The following LRRC4C variants were observed in gnomAD, a reference collection of about 807,000 sequenced individuals.
The protein encoded by LRRC4C is leucine rich repeat containing 4C, also known as leucine-rich repeat-containing protein 4C.
Under a neutral mutation model 33.6 loss-of-function variants are expected in LRRC4C, and 5 were observed. That is an observed-to-expected ratio of 0.15 (90% confidence interval 0.08 to 0.31). The LOEUF is 0.31. Among genes scored for constraint, LRRC4C ranks in the 10% least tolerant of loss-of-function variants. The pLI is 1.00. For missense variants in LRRC4C, 560 were observed against 796.7 expected, an observed-to-expected ratio of 0.70 and a Z score of 3.58; for synonymous variants, 329 against 302.0, an observed-to-expected ratio of 1.09 and a Z score of -0.93.
At chr11:40,360,312 G>T (rs779080077) in intron 3 of LRRC4C, among the ~76,000 whole-genome samples, 31 of 152,092 alleles carry the variant, frequency 2.0e-4, no homozygotes, top group Non-Finnish European at 3.5e-4. Flanking sequence ...TATCAGAGAG[G>T]GGCAAGTAGC....
chr11:41,286,582 A>G (rs1453615205), intron 1 of LRRC4C, among the ~76,000 whole-genome samples: 1 of 151,994 alleles, frequency 6.6e-6, no homozygotes, highest in African/African-American at 2.4e-5. Context: ...ATATAATTTT[A>G]AGACAAGATC....
At chr11:41,348,078 G>A (rs529971421) in intron 1 of LRRC4C, among the ~76,000 whole-genome samples, 2 of 152,246 alleles carry the variant, frequency 1.3e-5, no homozygotes, top group East Asian at 1.9e-4. Flanking sequence ...ATGACAGAAC[G>A]AAAACTGTAA....
chr11:41,187,087 T>C (rs1945725937), intron 1 of LRRC4C, among the ~76,000 whole-genome samples: 1 of 152,108 alleles, frequency 6.6e-6, no homozygotes, highest in Admixed American at 6.5e-5. Flanking sequence ...GAAATTGTGA[T>C]AATAGCAGTG....
At chr11:40,699,550 G>A (rs987270036) in intron 2 of LRRC4C, among the ~76,000 whole-genome samples, 16 of 152,142 alleles carry the variant, frequency 1.1e-4, no homozygotes, top group Admixed American at 9.2e-4. Context: ...ATGTTGACTC[G>A]ACTTTAGATG....
At chr11:40,930,341 T>C (rs1418592037) in intron 2 of LRRC4C, among the ~76,000 whole-genome samples, 1 of 152,178 alleles carries the variant, frequency 6.6e-6, no homozygotes, top group African/African-American at 2.4e-5. Flanking sequence ...ATGGCCAAAG[T>C]GGGGACTGGA....
At chr11:40,158,393 G>A (rs1327952566) in intron 5 of LRRC4C, among the ~76,000 whole-genome samples, 2 of 152,016 alleles carry the variant, frequency 1.3e-5, no homozygotes, top group African/African-American at 4.8e-5. Flanking sequence ...AATACAACCT[G>A]TACCCCAATA....
intron 3 of LRRC4C, among the ~76,000 whole-genome samples, chr11:40,511,632 C>T (rs534454829): frequency 6.6e-6 from 1 of 152,132 alleles, no homozygotes; most frequent in South Asian, 2.1e-4. Context: ...AAGAAGGAAA[C>T]TTGAATAAGG....
At chr11:40,442,984 C>A (rs2137984794) in intron 3 of LRRC4C, among the ~76,000 whole-genome samples, 1 of 152,236 alleles carries the variant, frequency 6.6e-6, no homozygotes, top group South Asian at 2.1e-4. Context: ...ATAAGTGATT[C>A]AAAAACTCTA....
At chr11:40,561,131 C>T (rs1463721040) in intron 3 of LRRC4C, among the ~76,000 whole-genome samples, 5 of 152,074 alleles carry the variant, frequency 3.3e-5, no homozygotes, top group African/African-American at 1.2e-4. Context: ...CTTCCTTCTG[C>T]GTTCCCCGGG....
intron 3 of LRRC4C, among the ~76,000 whole-genome samples, chr11:40,357,618 C>T (rs1189976041): frequency 6.6e-6 from 1 of 151,648 alleles, no homozygotes; most frequent in Admixed American, 6.6e-5. Context: ...CATTACCCAG[C>T]AAAAAAATAG....
chr11:40,901,055 T>C (rs1354740723), intron 2 of LRRC4C, among the ~76,000 whole-genome samples: 1 of 152,090 alleles, frequency 6.6e-6, no homozygotes, highest in Non-Finnish European at 1.5e-5. Flanking sequence ...TGAACACATT[T>C]TCAATTCCTT....
chr11:40,735,052 T>A (rs547549141), intron 2 of LRRC4C, among the ~76,000 whole-genome samples: 1 of 152,332 alleles, frequency 6.6e-6, no homozygotes, highest in African/African-American at 2.4e-5. Flanking sequence ...CCAGGGTCTC[T>A]GATCTGGGGA....
At chr11:41,288,255 A>T (rs1949891193) in intron 1 of LRRC4C, among the ~76,000 whole-genome samples, 2 of 152,188 alleles carry the variant, frequency 1.3e-5, no homozygotes, top group South Asian at 4.1e-4. Flanking sequence ...CGTAATCTCC[A>T]TCCTTACCTT....
chr11:41,287,765 C>T (rs1397505674), intron 1 of LRRC4C, among the ~76,000 whole-genome samples: 1 of 152,106 alleles, frequency 6.6e-6, no homozygotes, highest in African/African-American at 2.4e-5. Context: ...ATTTTGAGTC[C>T]AGTTGTGAGG....
intron 1 of LRRC4C, among the ~76,000 whole-genome samples, chr11:41,400,725 T>C (rs1159207010): frequency 5.3e-5 from 8 of 151,852 alleles, no homozygotes; most frequent in Admixed American, 5.3e-4. Flanking sequence ...AATTTGCAAA[T>C]GAAACTGCCA....
intron 2 of LRRC4C, among the ~76,000 whole-genome samples, chr11:40,895,919 C>A (rs1036361122): frequency 2.0e-5 from 3 of 152,038 alleles, no homozygotes; most frequent in Non-Finnish European, 4.4e-5. Flanking sequence ...CTTTTGAACC[C>A]GCAAACTGTT....
At chr11:40,763,436 C>T (rs1023222184) in intron 2 of LRRC4C, among the ~76,000 whole-genome samples, 3 of 152,030 alleles carry the variant, frequency 2.0e-5, no homozygotes, top group African/African-American at 7.2e-5. Context: ...CCCACTGCTG[C>T]CCAACAGGAA....
At chr11:40,636,703 A>G (rs1473333091) in intron 3 of LRRC4C, among the ~76,000 whole-genome samples, 2 of 152,128 alleles carry the variant, frequency 1.3e-5, no homozygotes, top group Non-Finnish European at 2.9e-5. Flanking sequence ...ATCTTCAACT[A>G]GGCAGTGGAA....
chr11:41,179,324 C>T (rs1181281324), intron 1 of LRRC4C, among the ~76,000 whole-genome samples: 14 of 151,836 alleles, frequency 9.2e-5, no homozygotes, highest in Non-Finnish European at 2.9e-5. Flanking sequence ...ACTCAGTTTA[C>T]CAAGTTAGAA....
Sources: gnomAD v4.1 joint callset for allele counts (sites outside exome capture counted in the v4.1 genomes callset) on GRCh38, gnomAD v4.1.1 for gene constraint, MANE v1.5 for transcripts, NCBI Gene and HGNC (gene_info 2026-07-23, HGNC 2026-07-21) for gene names.